The following ZFAND3 variants were observed in gnomAD, a reference collection of about 807,000 sequenced individuals.
The protein encoded by ZFAND3 is AN1-type zinc finger protein 3.
In ZFAND3, 10 loss-of-function variants were observed where a neutral mutation model predicts 29.6. That is an observed-to-expected ratio of 0.34 (90% CI 0.21 to 0.57). The LOEUF (loss-of-function observed/expected upper bound fraction) is 0.57. ZFAND3 is among the 20% of genes least tolerant of loss of function. The probability of loss-of-function intolerance (pLI) is 0.86; values close to 1 mark genes in which losing one functional copy is unlikely to be tolerated. For missense variants in ZFAND3, 230 were observed against 304.5 expected, an observed-to-expected ratio of 0.76 and a Z score of 1.82; for synonymous variants, 128 against 112.6, an observed-to-expected ratio of 1.14 and a Z score of -0.87.
chr6:37,835,129 A>G (rs1763943117), intron 1 of ZFAND3, among the ~76,000 whole-genome samples: 1 of 152,084 alleles, frequency 6.6e-6, no homozygotes, highest in Non-Finnish European at 1.5e-5. Context: ...CTATTAGGTC[A>G]TCTGCTTTTT....
intron 1 of ZFAND3, among the ~76,000 whole-genome samples, chr6:37,843,362 C>T (rs966925844): frequency 5.9e-5 from 9 of 151,772 alleles, no homozygotes; most frequent in South Asian, 2.1e-4. Flanking sequence ...TGGCGGGCAC[C>T]TGTAGTCCCA....
At chr6:38,054,553 A>G (rs964173280) in intron 2 of ZFAND3, among the ~76,000 whole-genome samples, 1 of 152,088 alleles carries the variant, frequency 6.6e-6, no homozygotes, top group Admixed American at 6.5e-5. Context: ...TTTAAAAAAG[A>G]AGATAGTCTG....
intron 2 of ZFAND3, among the ~76,000 whole-genome samples, chr6:38,033,463 C>T (rs1239078138): frequency 6.6e-6 from 1 of 152,138 alleles, no homozygotes; most frequent in Non-Finnish European, 1.5e-5. Flanking sequence ...CAACCTTCCC[C>T]TCGTCACCTC....
At chr6:38,015,825 G>C (rs774696055) in intron 2 of ZFAND3, among the ~76,000 whole-genome samples, 14 of 152,154 alleles carry the variant, frequency 9.2e-5, no homozygotes, top group Non-Finnish European at 1.8e-4. Flanking sequence ...AAGGGTATAG[G>C]ATTTGAGGAG....
At chr6:38,036,021 T>C (rs1763650972) in intron 2 of ZFAND3, among the ~76,000 whole-genome samples, 1 of 152,172 alleles carries the variant, frequency 6.6e-6, no homozygotes, top group African/African-American at 2.4e-5. Flanking sequence ...ATGGAAAGTC[T>C]CCTCCAGGAG....
intron 2 of ZFAND3, among the ~76,000 whole-genome samples, chr6:37,988,103 C>T (rs1762700857): frequency 6.6e-6 from 1 of 152,098 alleles, no homozygotes; most frequent in Non-Finnish European, 1.5e-5. Context: ...TTTAATGCTT[C>T]CTTAGAAGAA....
At chr6:37,997,887 G>A (rs1762878469) in intron 2 of ZFAND3, among the ~76,000 whole-genome samples, 1 of 152,154 alleles carries the variant, frequency 6.6e-6, no homozygotes, top group Non-Finnish European at 1.5e-5. Context: ...CCAGTTTGGT[G>A]GGAAGAGACT....
intron 1 of ZFAND3, among the ~76,000 whole-genome samples, chr6:37,839,718 C>G (rs1279608880): frequency 1.3e-5 from 2 of 150,370 alleles, no homozygotes; most frequent in East Asian, 4.0e-4. Context: ...TGTCACCATG[C>G]TGGCCAGGAT....
chr6:37,984,214 G>A (rs1343656585), intron 2 of ZFAND3, among the ~76,000 whole-genome samples: 4 of 152,162 alleles, frequency 2.6e-5, no homozygotes, highest in Non-Finnish European at 5.9e-5. Context: ...TTGCAAGATA[G>A]AGCATGAAAT....
At chr6:37,859,916 G>T (rs1764451263) in intron 1 of ZFAND3, among the ~76,000 whole-genome samples, 1 of 142,076 alleles carries the variant, frequency 7.0e-6, no homozygotes. Flanking sequence ...TTGTCACCCA[G>T]GCTGGAGTGC....
chr6:38,117,551 A>G (rs1765445796), intron 5 of ZFAND3, among the ~76,000 whole-genome samples: 2 of 152,266 alleles, frequency 1.3e-5, no homozygotes, highest in Middle Eastern at 3.4e-3. Flanking sequence ...AGTTTCCTGT[A>G]CTTGTTTTTA....
At chr6:37,917,100 G>T (rs1761273208) in intron 1 of ZFAND3, among the ~76,000 whole-genome samples, 1 of 152,154 alleles carries the variant, frequency 6.6e-6, no homozygotes, top group Non-Finnish European at 1.5e-5. Flanking sequence ...TACTGTGTCG[G>T]ATTTATAAAT....
chr6:37,956,985 A>G (rs971963124), intron 2 of ZFAND3, among the ~76,000 whole-genome samples: 5 of 152,212 alleles, frequency 3.3e-5, no homozygotes, highest in African/African-American at 7.2e-5. Context: ...CAGTCTTCAC[A>G]TCTCGCTGAG....
At chr6:38,041,682 CTTCTCCTTCTCCTT>C (rs1561976781) in intron 2 of ZFAND3, among the ~76,000 whole-genome samples, 1 of 20,866 alleles carries the variant, frequency 4.8e-5, no homozygotes, top group African/African-American at 2.1e-4. Context: ...TCTTCTTCTT[CTTCTCCTTCTCCTT>C]CTCCTCCTCC....
chr6:37,890,711 T>C (rs1302743421), intron 1 of ZFAND3, among the ~76,000 whole-genome samples: 1 of 152,228 alleles, frequency 6.6e-6, no homozygotes, highest in African/African-American at 2.4e-5. Context: ...CAAAACCAGA[T>C]TGCTTTATCA....
chr6:38,085,591 T>TTTTA lies in ZFAND3; in HGVS notation c.361+3150_361+3153dup, dbSNP rs548777412. On this transcript the variant is annotated intron_variant, in intron 4 of 5. Coordinates refer to ENST00000287218, the MANE Select transcript of ZFAND3 (RefSeq NM_021943.3). ...TATGTGTGTGTGTTCATACATATAC[T>TTTTA]TTTATTTATTTATTTATTTTTATTT... is the stretch of plus-strand genomic sequence containing the variant. Among the ~76,000 whole-genome samples the TTTTA allele has an allele frequency of 1.3e-4, 20 of 152,268 alleles. No individual in the cohort carries two copies. The South Asian group carries it at 2.7e-3, about 21-fold the overall frequency.
intron 5 of ZFAND3, among the ~76,000 whole-genome samples, chr6:38,146,951 A>C (rs1372025527): frequency 1.3e-5 from 2 of 152,106 alleles, no homozygotes; most frequent in Admixed American, 6.5e-5. Flanking sequence ...TATTTGTACA[A>C]ATGTATGGGG....
intron 2 of ZFAND3, among the ~76,000 whole-genome samples, chr6:37,956,139 A>G (rs1762082846): frequency 6.6e-6 from 1 of 152,234 alleles, no homozygotes; most frequent in Non-Finnish European, 1.5e-5. Context: ...AGGTCCTTGC[A>G]CATAGCTAGT....
At chr6:38,047,329 GA>G (rs1763924311) in intron 2 of ZFAND3, among the ~76,000 whole-genome samples, 1 of 147,660 alleles carries the variant, frequency 6.8e-6, no homozygotes, top group African/African-American at 2.5e-5. Context: ...AAAAAAAAAA[GA>G]AAAGAAATAT....
Sources: gnomAD v4.1 joint callset for allele counts (sites outside exome capture counted in the v4.1 genomes callset) on GRCh38, gnomAD v4.1.1 for gene constraint, MANE v1.5 for transcripts, NCBI Gene and HGNC (gene_info 2026-07-23, HGNC 2026-07-21) for gene names.